Variants in SLC44A5 observed in about 807,000 individuals in gnomAD.
SLC44A5 encodes choline transporter-like protein 5.
SLC44A5 carries 57 observed loss-of-function variants against 101.8 expected under a neutral mutation model. The observed-to-expected ratio is 0.56, with a 90% CI of 0.45 to 0.70. SLC44A5 has a LOEUF of 0.70. Among genes scored for constraint, SLC44A5 ranks in the 30% least tolerant of loss-of-function variants. The probability of loss-of-function intolerance (pLI) is 0.00; values close to 1 mark genes in which losing one functional copy is unlikely to be tolerated. For missense variants in SLC44A5, 737 were observed against 853.1 expected (o/e 0.86, Z 1.70); for synonymous variants, 281 against 290.9 (o/e 0.97, Z 0.35).
chr1:75,442,633 T>A lies in SLC44A5; in HGVS notation c.14-46012A>T, dbSNP rs113031228. ...ATGTTTTCCTCTTAGTAATTTTCTT[T>A]CCACTGACTCCCACCATGATCCTTG... On this transcript the variant is annotated intron_variant, in intron 2 of 23. Transcript: ENST00000370859. 9.5e-3 allele frequency among the ~76,000 whole-genome samples: 1,441 copies of A among 152,264 alleles called. 26 individuals carry two copies. Among genetic ancestry groups the A allele is most frequent in the African/African-American group, 0.033 (1,360 of 41,550 alleles).
the SLC44A5 span, among the ~76,000 whole-genome samples, chr1:75,667,862 C>CAGT: frequency 0.032 from 4,815 of 152,272 alleles, 249 homozygotes; most frequent in African/African-American, 0.11. Context: ...AAAAACCCAG[C>CAGT]AGTCACTGTC....
the SLC44A5 span, among the ~76,000 whole-genome samples, chr1:75,657,125 C>T: frequency 1.7e-4 from 25 of 150,934 alleles, 1 homozygote; most frequent in South Asian, 4.2e-3. Flanking sequence ...CTCCAGCCTG[C>T]GTGACAGAAT....
the SLC44A5 span, among the ~76,000 whole-genome samples, chr1:75,667,794 T>G: frequency 1.3e-5 from 2 of 152,216 alleles, no homozygotes; most frequent in Non-Finnish European, 2.9e-5. Context: ...CAAATTTTTT[T>G]GCCATGTGAA....
intron 5 of SLC44A5, among the ~76,000 whole-genome samples, chr1:75,290,000 T>C (rs1653401295): frequency 1.3e-5 from 2 of 152,224 alleles, no homozygotes; most frequent in Admixed American, 6.5e-5. Context: ...TCTGTAGAGG[T>C]AGTTTTCAAT....
rs201788441 is a variant in SLC44A5 at position 75,324,725 on chromosome 1, A to AT, written c.101+14856dup. Among the ~76,000 whole-genome samples, 1,041 of 152,184 alleles carry AT rather than the reference A, an allele frequency of 6.8e-3. 19 individuals are homozygous for AT. Among genetic ancestry groups the AT allele is most frequent in the African/African-American group, 0.023 (971 of 41,544 alleles). On this transcript the variant is annotated intron_variant, in intron 4 of 23. Coordinates refer to ENST00000370859, the MANE Select transcript of SLC44A5 (RefSeq NM_001130058.2). ...TAGCATAAAATGAAGAGGATCATCTATTTTTTCTCACAAAATTTTCTAAAA... is the reference window on the plus strand; with the variant it reads ...TAGCATAAAATGAAGAGGATCATCTATTTTTTTCTCACAAAATTTTCTAAAA...
At chr1:75,435,290 C>A (rs561176633) in intron 2 of SLC44A5, among the ~76,000 whole-genome samples, 3 of 152,074 alleles carry the variant, frequency 2.0e-5, no homozygotes, top group African/African-American at 7.2e-5. Context: ...TACGTTAATA[C>A]CTATTAACTA....
At chr1:75,331,916 C>A (rs143582278) in intron 4 of SLC44A5, among the ~76,000 whole-genome samples, 17 of 152,276 alleles carry the variant, frequency 1.1e-4, no homozygotes, top group African/African-American at 4.1e-4. Context: ...TCCTTCATCA[C>A]CAAATCTAAA....
At chr1:75,673,176 C>A in the SLC44A5 span, among the ~76,000 whole-genome samples, 1 of 152,062 alleles carries the variant, frequency 6.6e-6, no homozygotes, top group Non-Finnish European at 1.5e-5. Context: ...GGACTTGGAT[C>A]CTGGATGGCT....
intron 2 of SLC44A5, among the ~76,000 whole-genome samples, chr1:75,416,552 A>C (rs996449161): frequency 2.6e-5 from 4 of 152,188 alleles, no homozygotes; most frequent in Non-Finnish European, 4.4e-5. Context: ...GAGCTGTGAG[A>C]AGTGGGCCAC....
the SLC44A5 span, among the ~76,000 whole-genome samples, chr1:75,648,819 G>T: frequency 9.8e-6 from 1 of 101,910 alleles, no homozygotes. Context: ...TTATGAGCAT[G>T]GGCAAACAAA....
At chr1:75,641,039 C>G in the SLC44A5 span, among the ~76,000 whole-genome samples, 1 of 152,034 alleles carries the variant, frequency 6.6e-6, no homozygotes, top group African/African-American at 2.4e-5. Flanking sequence ...TTGATCATGT[C>G]TGAACAAGTC....
chr1:75,397,913 T>C (rs1662227185), intron 2 of SLC44A5, among the ~76,000 whole-genome samples: 1 of 152,118 alleles, frequency 6.6e-6, no homozygotes, highest in Non-Finnish European at 1.5e-5. Context: ...AAACTAGCAA[T>C]GCTGACCCAC....
intron 2 of SLC44A5, among the ~76,000 whole-genome samples, chr1:75,443,116 G>T (rs540005801): frequency 3.2e-4 from 48 of 152,046 alleles, no homozygotes; most frequent in Non-Finnish European, 5.4e-4. Flanking sequence ...ACCATTTTTG[G>T]TAATTCAATA....
rs146716753 is a variant in SLC44A5 at position 75,217,874 on chromosome 1, C to T, written c.1616G>A (p.Arg539His). 2.5e-5 allele frequency: 39 copies of T among 1,581,006 alleles called. No individual in the cohort carries two copies. The highest frequency in any genetic ancestry group is 1.3e-4 in the Admixed American group (8 of 59,738). ...GACATCTGAAATCTTACGTTTAAGA[C>T]GGTGGTCCAAGTATTCTAGTACAAT... Reference protein sequence around the residue: ...FKIVLEYLDHRLKRTQNTLSK... With the variant: ...FKIVLEYLDHHLKRTQNTLSK... The change falls in exon 18 of 24, where the codon CGT becomes CAT. Residue 539 changes from arginine to histidine, a missense_variant. This residue lies in a region of SLC44A5 where 665 missense variants were observed against 764.4 expected (regional missense o/e 0.87). Coordinates refer to ENST00000370859, the MANE Select transcript of SLC44A5 (RefSeq NM_001130058.2).
intron 1 of SLC44A5, among the ~76,000 whole-genome samples, chr1:75,546,121 C>T (rs1344882636): frequency 6.6e-6 from 1 of 152,010 alleles, no homozygotes; most frequent in Non-Finnish European, 1.5e-5. Context: ...GGTGCCCAGC[C>T]CATTCTTTTT....
the SLC44A5 span, among the ~76,000 whole-genome samples, chr1:75,684,188 A>T: frequency 1.3e-5 from 2 of 152,128 alleles, no homozygotes; most frequent in Non-Finnish European, 2.9e-5. Context: ...AGTATGGGGG[A>T]AACTGCCCAT....
chr1:75,541,270 C>T (rs994597581), intron 2 of SLC44A5, among the ~76,000 whole-genome samples, 165 bp downstream of exon 2: 14 of 152,146 alleles, frequency 9.2e-5, no homozygotes, highest in Non-Finnish European at 1.2e-4. Context: ...CAGGCAAAGA[C>T]GGAGAACCAC....
intron 3 of SLC44A5, among the ~76,000 whole-genome samples, chr1:75,385,626 G>A (rs984330913): frequency 3.3e-5 from 5 of 152,128 alleles, no homozygotes; most frequent in Non-Finnish European, 7.3e-5. Context: ...TTCTACCAGA[G>A]GTATAAGGAT....
At chr1:75,593,938 A>G (rs1674498180) in intron 1 of SLC44A5, among the ~76,000 whole-genome samples, 1 of 151,992 alleles carries the variant, frequency 6.6e-6, no homozygotes, top group Non-Finnish European at 1.5e-5. Context: ...TTAATAAGAC[A>G]TACTATTTGA....
Sources: allele counts gnomAD v4.1 joint callset (sites outside exome capture counted in the v4.1 genomes callset), GRCh38; gene constraint gnomAD v4.1.1; regional missense constraint gnomAD v4.1.1; transcripts MANE v1.5; gene names NCBI Gene and HGNC (gene_info 2026-07-23, HGNC 2026-07-21).